JCAD: variants seen among roughly 807,000 people sequenced by gnomAD.
JCAD encodes junctional cadherin 5-associated protein.
A neutral mutation model predicts 98.0 loss-of-function variants in JCAD; 40 were observed. The ratio of observed to expected loss-of-function variants is 0.41; its 90% confidence interval spans 0.32 to 0.53. The LOEUF is 0.53. JCAD is among the 20% of genes least tolerant of loss of function. JCAD has a pLI of 0.31. For synonymous variants in JCAD, 691 were observed against 682.3 expected, an observed-to-expected ratio of 1.01 and a Z score of -0.20; for missense variants, 1,705 against 1,738.1, an observed-to-expected ratio of 0.98 and a Z score of 0.34.
At chr10:30,068,267 T>C (rs544939836) in intron 2 of JCAD, among the ~76,000 whole-genome samples, 1 of 151,950 alleles carries the variant, frequency 6.6e-6, no homozygotes, top group South Asian at 2.1e-4. Context: ...GGCAGGTACC[T>C]ATAATCCCAG....
At chr10:30,094,436 A>G (rs1838336214) in intron 1 of JCAD, among the ~76,000 whole-genome samples, 1 of 152,048 alleles carries the variant, frequency 6.6e-6, no homozygotes, top group Non-Finnish European at 1.5e-5. Flanking sequence ...GGTGACAGAG[A>G]CAGACTCCAT....
intron 3 of JCAD, among the ~76,000 whole-genome samples, chr10:30,024,836 C>G (rs1423407868): frequency 6.6e-6 from 1 of 151,926 alleles, no homozygotes; most frequent in African/African-American, 2.4e-5. Flanking sequence ...GCTGAGACTA[C>G]AGGCGCCCGC....
chr10:30,063,588 T>C (rs568545512), upstream of JCAD, among the ~76,000 whole-genome samples: 1 of 152,286 alleles, frequency 6.6e-6, no homozygotes, highest in East Asian at 1.9e-4. Flanking sequence ...TTCTCATTTT[T>C]TAAAAGATTA....
At chr10:30,050,756 C>T (rs1837451533) in intron 1 of JCAD, among the ~76,000 whole-genome samples, 1 of 152,148 alleles carries the variant, frequency 6.6e-6, no homozygotes, top group South Asian at 2.1e-4. Context: ...ACTGATTCTT[C>T]CCTCCCCACC....
In JCAD at chr10:30,072,054, G is replaced by C. The variant is rs1413248091; in HGVS notation, n.129-2233C>G. 3.3e-5 allele frequency among the ~76,000 whole-genome samples: 5 copies of C among 151,626 alleles called. 1 individual carries two copies. Among genetic ancestry groups the C allele is most frequent in the Admixed American group, 3.3e-4 (5 of 15,206 alleles). ...TATTTCAATAGTTTTAAGTCTAAAT[G>C]CTTTTTTAAAAAACCTGAAAAGGCA... On this transcript the variant is annotated intron_variant and non_coding_transcript_variant, in intron 1 of 2. Transcript: ENST00000465712.
At position 30,017,311 on chromosome 10, in the gene JCAD, C is replaced by G. The variant is rs1836554510; in HGVS notation, c.*572G>C. On this transcript the variant is annotated 3_prime_UTR_variant, in exon 4 of 4. Coordinates refer to ENST00000375377, the MANE Select transcript of JCAD (RefSeq NM_020848.4). ...ACTTAAAAGATATTGCTTTTATTCT[C>G]TGATGGCAAGTTACTTATAAGTAAA... The G allele has an allele frequency of 6.5e-6, 1 of 154,528 alleles. No individual in the cohort carries two copies. The highest frequency in any genetic ancestry group is 2.0e-4 in the South Asian group (1 of 4,950). The allele number at this position is 154,528 out of a possible 1,614,324, so 9.6% of individuals were successfully genotyped here.
chr10:30,031,103 C>A (rs979942133), intron 2 of JCAD, among the ~76,000 whole-genome samples: 3 of 151,440 alleles, frequency 2.0e-5, no homozygotes, highest in Non-Finnish European at 4.4e-5. Flanking sequence ...TGGGTTAGGG[C>A]CCAGGCATTT....
At chr10:30,070,966 T>C (rs1589705038) in intron 1 of JCAD, among the ~76,000 whole-genome samples, 1 of 152,364 alleles carries the variant, frequency 6.6e-6, no homozygotes, top group East Asian at 1.9e-4. Flanking sequence ...AGTGCAGTGG[T>C]GTGATCTTGG....
rs1284023892 is a variant in JCAD at position 30,028,527 on chromosome 10, C to G, written c.1621G>C (p.Val541Leu). Residue 541 changes from valine (V) to leucine (L), a missense_variant, in exon 3 of 4, where the codon GTT becomes CTT. Val to Leu is a conservative substitution (Grantham distance 32, BLOSUM62 1). Coordinates refer to ENST00000375377, the MANE Select transcript of JCAD (RefSeq NM_020848.4). The part of the protein sequence containing the change: ...GSQHGHTGRQ[V>L]SSPYSQGEST... Reference sequence around the variant, plus strand: ...TCGCCCTGTGAGTAAGGGGAGGAAACTTGTCTTCCAGTGTGCCCGTGCTGG... The same window carrying G: ...TCGCCCTGTGAGTAAGGGGAGGAAAGTTGTCTTCCAGTGTGCCCGTGCTGG... 1.2e-6 allele frequency: 2 copies of G among 1,614,096 alleles called. No individual in the cohort carries two copies. The highest frequency in any genetic ancestry group is 1.7e-6 in the Non-Finnish European group (2 of 1,180,052).
At chr10:30,092,059 A>AGTTACTTT (rs1838281788) in intron 1 of JCAD, among the ~76,000 whole-genome samples, 1 of 22,996 alleles carries the variant, frequency 4.3e-5, no homozygotes, top group East Asian at 1.6e-3. Context: ...AAAAAAAAAA[A>AGTTACTTT]AAAAAATATA....
chr10:30,073,185 G>A (rs1837924597), intron 1 of JCAD, among the ~76,000 whole-genome samples: 1 of 152,216 alleles, frequency 6.6e-6, no homozygotes, highest in African/African-American at 2.4e-5. Flanking sequence ...CGTAGGCTTT[G>A]GGGTCAGACA....
intron 1 of JCAD, among the ~76,000 whole-genome samples, chr10:30,077,611 C>T (rs1564464793): frequency 6.6e-6 from 1 of 152,194 alleles, no homozygotes. Flanking sequence ...CCCTGATAAC[C>T]TCTACTCTGT....
At chr10:30,071,790 ATAAAAGT>A (rs1298877176) in intron 1 of JCAD, among the ~76,000 whole-genome samples, 3 of 152,194 alleles carry the variant, frequency 2.0e-5, no homozygotes, top group Non-Finnish European at 4.4e-5. Context: ...AACTAAATAA[ATAAAAGT>A]TAAAAGACAA....
chr10:30,099,645 G>T (rs148349603), intron 1 of JCAD, among the ~76,000 whole-genome samples: 5 of 151,818 alleles, frequency 3.3e-5, no homozygotes, highest in Admixed American at 6.6e-5. Flanking sequence ...ATAATGACAG[G>T]ATCTACAAAT....
chr10:30,029,158 C>T lies in JCAD; in HGVS notation c.990G>A (p.Leu330=), dbSNP rs1406117826. The T allele has an allele frequency of 3.7e-6, 6 of 1,614,158 alleles. No homozygotes were observed. The highest frequency in any genetic ancestry group is 4.2e-6 in the Non-Finnish European group (5 of 1,180,038). The stretch of plus-strand genomic sequence containing the variant: ...CTGGAGGTTCCAATCCAGGGTCTGA[C>T]AGGCAGAGCTCATGCCTGGGGACAT... ...DAYVPRHELC[L]SDPGLEPPVY... Residue 330 remains leucine (L), a synonymous_variant, in exon 3 of 4, where the codon CTG becomes CTA. Transcript: ENST00000375377.
At chr10:30,072,448 C>T (rs925333134) in intron 1 of JCAD, among the ~76,000 whole-genome samples, 3 of 152,194 alleles carry the variant, frequency 2.0e-5, no homozygotes, top group African/African-American at 4.8e-5. Flanking sequence ...AGATCTCATT[C>T]ATCACACCAG....
In JCAD at chr10:30,028,756, A is replaced by G. The variant is rs1564444611; in HGVS notation, c.1392T>C (p.Ala464=). ...NSSPVTAQEP[A]HGGMQPDGAI... is the part of the protein sequence containing the mutation. ...CACCATCAGGCTGCATTCCTCCATG[A>G]GCCGGCTCTTGAGCAGTGACAGGAC... Residue 464 remains alanine, a synonymous_variant, in exon 3 of 4, where the codon GCT becomes GCC. Coordinates refer to ENST00000375377, the MANE Select transcript of JCAD (RefSeq NM_020848.4). 10 of 1,614,204 alleles carry G rather than the reference A, an allele frequency of 6.2e-6. No homozygotes were observed. The highest frequency in any genetic ancestry group is 7.6e-6 in the Non-Finnish European group (9 of 1,180,038).
upstream of JCAD, among the ~76,000 whole-genome samples, chr10:30,061,822 A>G (rs1837706402): frequency 2.0e-5 from 3 of 152,102 alleles, no homozygotes; most frequent in Non-Finnish European, 2.9e-5. Context: ...GATTTCTTCA[A>G]TGACTTATAG....
rs1837368485 is a variant in JCAD, at chr10:30,047,563, T to A, written c.250A>T (p.Ser84Cys). The part of the protein sequence containing the change: ...STPRGHGEPQ[S>C]TSASRTSEAG... ...TCCGAGGTTCTGGAAGCAGAAGTGCTCTGGGGCTCCCCGTGGCCTCTCGGT... is the reference window on the plus strand; with the variant it reads ...TCCGAGGTTCTGGAAGCAGAAGTGCACTGGGGCTCCCCGTGGCCTCTCGGT... The change falls in exon 2 of 4, where the codon AGC (serine) becomes TGC (cysteine). Residue 84 changes from serine to cysteine, a missense_variant. This residue lies in a region of JCAD where 152 missense variants were observed against 148.0 expected (regional missense o/e 1.03). Transcript: ENST00000375377. 1.2e-6 allele frequency: 2 copies of A among 1,613,700 alleles called. No individual in the cohort carries two copies. The highest frequency in any genetic ancestry group is 3.3e-5 in the Admixed American group (2 of 59,970).
Sources: gnomAD v4.1 joint callset for allele counts (sites outside exome capture counted in the v4.1 genomes callset) on GRCh38, gnomAD v4.1.1 for gene constraint, gnomAD v4.1.1 regional missense constraint, MANE v1.5 for transcripts, NCBI Gene and HGNC (gene_info 2026-07-23, HGNC 2026-07-21) for gene names.